Variants in STK39 observed in about 807,000 individuals in gnomAD.
STK39 encodes the protein serine/threonine kinase 39, also known as STE20/SPS1-related proline-alanine-rich protein kinase.
A neutral mutation model predicts 77.8 loss-of-function variants in STK39; 20 were observed. The observed-to-expected ratio is 0.26, with a 90% CI of 0.18 to 0.37. The LOEUF is 0.37. Among genes scored for constraint, STK39 ranks in the 10% least tolerant of loss-of-function variants. STK39 has a pLI of 1.00. For synonymous variants in STK39, 246 were observed against 234.1 expected (o/e 1.05, Z -0.47); for missense variants, 479 against 656.5 (o/e 0.73, Z 2.95).
intron 14 of STK39, among the ~76,000 whole-genome samples, chr2:168,027,609 CATGCACACGTG>C (rs1684732727): frequency 1.3e-5 from 2 of 152,326 alleles, no homozygotes; most frequent in African/African-American, 4.8e-5. Flanking sequence ...CACACACGTA[CATGCACACGTG>C]TGTGCATGAG....
intron 1 of STK39, among the ~76,000 whole-genome samples, chr2:168,191,222 G>T: frequency 6.6e-6 from 1 of 152,276 alleles, no homozygotes; most frequent in East Asian, 1.9e-4. Context: ...GGAGTGCAGG[G>T]CCTGACATGC....
intron 16 of STK39, among the ~76,000 whole-genome samples, chr2:168,011,096 G>A (rs547638005): frequency 1.1e-4 from 16 of 152,298 alleles, no homozygotes; most frequent in African/African-American, 3.1e-4. Context: ...TCAGGAGTTC[G>A]AAACCAGCCT....
chr2:168,188,228 G>A (rs939699738), intron 1 of STK39, among the ~76,000 whole-genome samples: 1 of 152,182 alleles, frequency 6.6e-6, no homozygotes, highest in Non-Finnish European at 1.5e-5. Context: ...AGGCCAGTCA[G>A]TCACATGAGG....
At chr2:168,209,906 A>T (rs1053395163) in intron 1 of STK39, among the ~76,000 whole-genome samples, 1 of 151,572 alleles carries the variant, frequency 6.6e-6, no homozygotes, top group African/African-American at 2.4e-5. Flanking sequence ...GGCTGAAGCA[A>T]GAGAATTGCT....
chr2:168,234,329 G>C (rs528482476), intron 1 of STK39, among the ~76,000 whole-genome samples: 1 of 152,216 alleles, frequency 6.6e-6, no homozygotes, highest in Admixed American at 6.5e-5. Flanking sequence ...AATGTGGCCA[G>C]TGTAACCGAA....
chr2:168,051,644 G>C (rs1221608210), intron 14 of STK39, among the ~76,000 whole-genome samples: 1 of 152,028 alleles, frequency 6.6e-6, no homozygotes, highest in Non-Finnish European at 1.5e-5. Context: ...TTTGAGACAG[G>C]GTCTCACTTT....
chr2:168,103,159 C>T (rs562010565), intron 10 of STK39, among the ~76,000 whole-genome samples: 4 of 152,222 alleles, frequency 2.6e-5, no homozygotes, highest in African/African-American at 9.6e-5. Flanking sequence ...CATATTCAAG[C>T]ATTCTGGACT....
intron 14 of STK39, among the ~76,000 whole-genome samples, chr2:168,023,267 T>TA (rs1157706211): frequency 2.0e-5 from 3 of 152,016 alleles, no homozygotes; most frequent in African/African-American, 7.3e-5. Flanking sequence ...CAAACTTTTT[T>TA]TTTTTTTTTT....
intron 14 of STK39, among the ~76,000 whole-genome samples, chr2:168,043,580 CA>C (rs1374855903): frequency 6.6e-6 from 1 of 152,210 alleles, no homozygotes; most frequent in Non-Finnish European, 1.5e-5. Context: ...AGGAGTGACA[CA>C]GCAAAGAGGA....
At chr2:167,983,215 C>T (rs980648839) in intron 16 of STK39, among the ~76,000 whole-genome samples, 21 of 152,140 alleles carry the variant, frequency 1.4e-4, no homozygotes, top group Admixed American at 1.2e-3. Context: ...TGCGGTGGTT[C>T]GTGACTGTAA....
intron 15 of STK39, among the ~76,000 whole-genome samples, chr2:168,014,389 G>A (rs1284308993): frequency 1.3e-5 from 2 of 151,994 alleles, no homozygotes; most frequent in Non-Finnish European, 2.9e-5. Context: ...GAGGCTGGGT[G>A]GAAGGATCAC....
At chr2:168,130,493 G>A (rs1687652020) in intron 8 of STK39, among the ~76,000 whole-genome samples, 2 of 152,124 alleles carry the variant, frequency 1.3e-5, no homozygotes, top group South Asian at 4.1e-4. Context: ...TCAGAGGCAG[G>A]TCCTGTTAGG....
At chr2:168,212,252 G>A (rs941864233) in intron 1 of STK39, among the ~76,000 whole-genome samples, 5 of 152,188 alleles carry the variant, frequency 3.3e-5, no homozygotes, top group African/African-American at 7.2e-5. Context: ...GAATATATTC[G>A]TTCAGTGGAG....
chr2:168,176,543 G>A (rs913901087), intron 2 of STK39, among the ~76,000 whole-genome samples: 1 of 152,130 alleles, frequency 6.6e-6, no homozygotes, highest in Non-Finnish European at 1.5e-5. Context: ...CGGAGGGAGT[G>A]AACAGTAGAT....
At position 168,242,557 on chromosome 2, in the gene STK39, AAAAATATATATATATAT is replaced by A. The variant is rs1344173056; in HGVS notation, c.208+4654_208+4670del. Reference sequence around the variant, plus strand: ...GAGCAAGACTCTTACAAAAAAAAAAAAAAATATATATATATATATATATATATATATATATATATAAA... The same window carrying A: ...GAGCAAGACTCTTACAAAAAAAAAAAATATATATATATATATATATATAAA... On this transcript the variant is annotated intron_variant, in intron 1 of 17. Transcript: ENST00000355999. Among the ~76,000 whole-genome samples, 34 of 59,112 alleles carry A rather than the reference AAAAATATATATATATAT, an allele frequency of 5.8e-4. 2 individuals are homozygous for A. Among genetic ancestry groups the A allele is most frequent in the South Asian group, 2.3e-3 (4 of 1,764 alleles). The allele number at this position is 59,112 out of a possible 152,430, so 38.8% of individuals were successfully genotyped here.
At chr2:168,136,827 T>C (rs533004528) in intron 8 of STK39, among the ~76,000 whole-genome samples, 1 of 152,302 alleles carries the variant, frequency 6.6e-6, no homozygotes, top group South Asian at 2.1e-4. Context: ...TTAAAAAATT[T>C]TGGAAGGAAA....
chr2:168,222,202 C>G (rs1690190447), intron 1 of STK39, among the ~76,000 whole-genome samples: 1 of 152,148 alleles, frequency 6.6e-6, no homozygotes, highest in Non-Finnish European at 1.5e-5. Flanking sequence ...ATCTCTCTCC[C>G]TGCTATAATG....
intron 5 of STK39, among the ~76,000 whole-genome samples, chr2:168,143,112 G>A (rs1030053926): frequency 5.3e-5 from 8 of 152,074 alleles, no homozygotes; most frequent in Non-Finnish European, 1.2e-4. Context: ...CAGAATCAAA[G>A]GCTACACATA....
intron 1 of STK39, among the ~76,000 whole-genome samples, chr2:168,244,117 A>T (rs1690840488): frequency 6.6e-6 from 1 of 152,230 alleles, no homozygotes; most frequent in Admixed American, 6.5e-5. Flanking sequence ...ATTTTACATC[A>T]TTTCCAGGTC....
Sources: allele counts gnomAD v4.1 joint callset (sites outside exome capture counted in the v4.1 genomes callset), GRCh38; gene constraint gnomAD v4.1.1; transcripts MANE v1.5; gene names NCBI Gene and HGNC (gene_info 2026-07-23, HGNC 2026-07-21).